Variants in NXPE2 observed in about 807,000 individuals in gnomAD.
The protein encoded by NXPE2 is NXPE family member 2.
Under a neutral mutation model 34.4 loss-of-function variants are expected in NXPE2, and 34 were observed. The observed-to-expected ratio is 0.99, with a 90% CI of 0.75 to 1.31. The LOEUF (loss-of-function observed/expected upper bound fraction) is 1.31. Among genes scored for constraint, NXPE2 ranks in the 40% most tolerant of loss-of-function variants. The probability of loss-of-function intolerance (pLI) is 0.00; values close to 1 mark genes in which losing one functional copy is unlikely to be tolerated. For missense variants in NXPE2, 649 were observed against 672.5 expected, an observed-to-expected ratio of 0.97 and a Z score of 0.39; for synonymous variants, 235 against 231.3, an observed-to-expected ratio of 1.02 and a Z score of -0.15.
At chr11:114,632,999 A>C in the NXPE2 span, among the ~76,000 whole-genome samples, 1 of 100,750 alleles carries the variant, frequency 9.9e-6, no homozygotes, top group African/African-American at 4.3e-5. Context: ...TATAATATAT[A>C]ATAATATATA....
At chr11:114,643,484 G>T in the NXPE2 span, among the ~76,000 whole-genome samples, 3 of 152,042 alleles carry the variant, frequency 2.0e-5, no homozygotes, top group Non-Finnish European at 4.4e-5. Flanking sequence ...TGGCTAGGCA[G>T]TTTTCCCAAC....
chr11:114,663,697 T>TCTATCTAC, the NXPE2 span, among the ~76,000 whole-genome samples: 2 of 151,350 alleles, frequency 1.3e-5, no homozygotes, highest in Non-Finnish European at 2.9e-5. Flanking sequence ...TATCTATCTA[T>TCTATCTAC]CTATCTATCT....
At chr11:114,564,358 T>C in the NXPE2 span, among the ~76,000 whole-genome samples, 1 of 152,100 alleles carries the variant, frequency 6.6e-6, no homozygotes, top group South Asian at 2.1e-4. Context: ...TTGGGTACAG[T>C]GTACACTGCT....
chr11:114,767,608 C>A, the NXPE2 span, among the ~76,000 whole-genome samples: 2 of 152,086 alleles, frequency 1.3e-5, no homozygotes, highest in South Asian at 2.1e-4. Flanking sequence ...CAATGAATAG[C>A]AAATGACATG....
chr11:114,807,989 C>G, the NXPE2 span, among the ~76,000 whole-genome samples: 4 of 152,326 alleles, frequency 2.6e-5, no homozygotes, highest in Non-Finnish European at 5.9e-5. Flanking sequence ...TTATAACAAA[C>G]TGTCTCTCAG....
chr11:114,530,562 G>C, the NXPE2 span: 1 of 1,613,840 alleles, frequency 6.2e-7, no homozygotes, highest in Admixed American at 1.7e-5. Flanking sequence ...AGCACCTGCC[G>C]TCAGTGCTGG....
chr11:114,801,862 G>C, the NXPE2 span, among the ~76,000 whole-genome samples: 1 of 152,186 alleles, frequency 6.6e-6, no homozygotes, highest in African/African-American at 2.4e-5. Flanking sequence ...GCAGAGAGGA[G>C]AGGAGAGGGA....
the NXPE2 span, among the ~76,000 whole-genome samples, chr11:114,629,287 C>T: frequency 4.6e-4 from 70 of 152,072 alleles, no homozygotes; most frequent in Admixed American, 2.7e-3. Context: ...TACTGGCAAA[C>T]GGAATCCAGC....
At chr11:114,634,536 C>T in the NXPE2 span, among the ~76,000 whole-genome samples, 1 of 151,988 alleles carries the variant, frequency 6.6e-6, no homozygotes, top group East Asian at 1.9e-4. Context: ...GAAGTCCTTG[C>T]CCATGCCTAT....
chr11:114,747,195 T>C, the NXPE2 span, among the ~76,000 whole-genome samples: 1 of 152,188 alleles, frequency 6.6e-6, no homozygotes, highest in Non-Finnish European at 1.5e-5. Context: ...TGGCTCAATT[T>C]TAAAAAGGGG....
At chr11:114,522,532 A>G in the NXPE2 span, 1 of 1,495,780 alleles carries the variant, frequency 6.7e-7, no homozygotes, top group Non-Finnish European at 9.1e-7. Context: ...GATGTTTTAA[A>G]TAGAAGATAA....
At chr11:114,528,120 G>T in the NXPE2 span, among the ~76,000 whole-genome samples, 245 of 152,228 alleles carry the variant, frequency 1.6e-3, no homozygotes, top group African/African-American at 5.5e-3. Flanking sequence ...CAGCTCTACC[G>T]ATCTGCCACA....
At chr11:114,604,815 C>T in the NXPE2 span, among the ~76,000 whole-genome samples, 3 of 152,012 alleles carry the variant, frequency 2.0e-5, no homozygotes, top group Non-Finnish European at 4.4e-5. Context: ...ACCACTGTTA[C>T]CTGGTGGATA....
the NXPE2 span, among the ~76,000 whole-genome samples, chr11:114,608,716 A>G: frequency 2.6e-5 from 4 of 151,976 alleles, no homozygotes; most frequent in East Asian, 7.8e-4. Context: ...GTGGATAATA[A>G]GTACTGCCTC....
chr11:114,476,893 G>T, the NXPE2 span, among the ~76,000 whole-genome samples: 5 of 152,096 alleles, frequency 3.3e-5, no homozygotes, highest in Non-Finnish European at 1.5e-5. Flanking sequence ...TGTGGAAGAG[G>T]TAATTGCTTA....
At chr11:114,779,816 G>A in the NXPE2 span, among the ~76,000 whole-genome samples, 1 of 152,058 alleles carries the variant, frequency 6.6e-6, no homozygotes. Flanking sequence ...TGATTCCTCC[G>A]ACTTACTTCC....
the NXPE2 span, among the ~76,000 whole-genome samples, chr11:114,654,869 G>A: frequency 6.6e-6 from 1 of 151,964 alleles, no homozygotes; most frequent in Non-Finnish European, 1.5e-5. Context: ...TGGTATTTCT[G>A]GTTCTAGATC....
chr11:114,486,736 C>A, the NXPE2 span, among the ~76,000 whole-genome samples: 4 of 152,128 alleles, frequency 2.6e-5, no homozygotes, highest in Non-Finnish European at 4.4e-5. Context: ...TTCCCAGCAT[C>A]ATTTATTGAA....
chr11:114,576,790 A>G, the NXPE2 span, among the ~76,000 whole-genome samples: 1 of 151,874 alleles, frequency 6.6e-6, no homozygotes, highest in African/African-American at 2.4e-5. Flanking sequence ...GATTCCTTAA[A>G]GAACTAAAAA....
Sources: allele counts gnomAD v4.1 joint callset (sites outside exome capture counted in the v4.1 genomes callset), GRCh38; gene constraint gnomAD v4.1.1; transcripts MANE v1.5; gene names NCBI Gene and HGNC (gene_info 2026-07-23, HGNC 2026-07-21).